Variants in CCL28 observed in about 807,000 individuals in gnomAD.
The protein encoded by CCL28 is C-C motif chemokine 28.
In CCL28, 4 loss-of-function variants were observed where a neutral mutation model predicts 7.1. The observed-to-expected ratio is 0.56, with a 90% CI of 0.28 to 1.29. The LOEUF (loss-of-function observed/expected upper bound fraction) is 1.29. Among genes scored for constraint, CCL28 ranks in the 50% most tolerant of loss-of-function variants. The probability of loss-of-function intolerance (pLI) is 0.11; values close to 1 mark genes in which losing one functional copy is unlikely to be tolerated. For synonymous variants in CCL28, 55 were observed against 57.8 expected, an observed-to-expected ratio of 0.95 and a Z score of 0.22; for missense variants, 151 against 163.4, an observed-to-expected ratio of 0.92 and a Z score of 0.41.
At chr5:43,366,623 T>C in the CCL28 span, among the ~76,000 whole-genome samples, 1 of 152,048 alleles carries the variant, frequency 6.6e-6, no homozygotes, top group Admixed American at 6.5e-5. Flanking sequence ...GGCATGGGGG[T>C]CAGGGACCCA....
At position 43,380,182 on chromosome 5, in the gene CCL28, T is replaced by C. The variant is rs1232898418; in HGVS notation, c.*1678A>G. 6.6e-6 allele frequency: 1 copy of C among 151,954 alleles called. No homozygotes were observed. Among genetic ancestry groups the C allele is most frequent in the Non-Finnish European group, 1.5e-5 (1 of 68,000 alleles). The allele number at this position is 151,954 out of a possible 1,614,324, so 9.4% of individuals were successfully genotyped here. A position where few individuals can be genotyped will look rare whatever the true frequency, so the allele number is the denominator to read the frequency against. On this transcript the variant is annotated 3_prime_UTR_variant, in exon 3 of 3. Transcript: ENST00000361115. The stretch of plus-strand genomic sequence containing the variant: ...GAAGGGTGGAATAGGAGCTAAAAGA[T>C]GTAGGCTCCTTGTTTAGGCAGAGCG...
the CCL28 span, among the ~76,000 whole-genome samples, chr5:43,360,000 G>A: frequency 1.3e-5 from 2 of 152,056 alleles, no homozygotes; most frequent in Non-Finnish European, 2.9e-5. Flanking sequence ...CAGGATTCAG[G>A]GTTCTCAGGG....
intron 1 of CCL28, among the ~76,000 whole-genome samples, chr5:43,401,072 G>A (rs1385022755): frequency 6.9e-6 from 1 of 145,426 alleles, no homozygotes; most frequent in Non-Finnish European, 1.5e-5. Context: ...AACAGAGCAA[G>A]ACTCCGTCTC....
the CCL28 span, among the ~76,000 whole-genome samples, chr5:43,370,554 C>T: frequency 6.6e-6 from 1 of 152,168 alleles, no homozygotes. Flanking sequence ...GTATTGTGTC[C>T]TAGATCACTC....
downstream of CCL28, among the ~76,000 whole-genome samples, chr5:43,374,251 G>A (rs914232673): frequency 3.9e-5 from 6 of 152,150 alleles, no homozygotes; most frequent in African/African-American, 1.2e-4. Flanking sequence ...TTTATATGGA[G>A]GTAGAATGGC....
At position 43,404,612 on chromosome 5, in the gene CCL28, A is replaced by G. The variant is rs965445389; in HGVS notation, c.64+7641T>C. ...GAAACTGCATCAACTAACGGGCAAAATAACCAGCTAGCATCATAATGACAG... is the reference window on the plus strand; with the variant it reads ...GAAACTGCATCAACTAACGGGCAAAGTAACCAGCTAGCATCATAATGACAG... On this transcript the variant is annotated intron_variant, in intron 1 of 2. Coordinates refer to ENST00000361115, the MANE Select transcript of CCL28 (RefSeq NM_148672.3). Among the ~76,000 whole-genome samples, 8 of 152,204 alleles carry G rather than the reference A, an allele frequency of 5.3e-5. 1 individual carries two copies. The highest frequency in any genetic ancestry group is 1.9e-4 in the African/African-American group (8 of 41,446).
chr5:43,380,845 G>A lies in CCL28; in HGVS notation c.*1015C>T, dbSNP rs1012142754. On this transcript the variant is annotated 3_prime_UTR_variant, in exon 3 of 3. Transcript: ENST00000361115. Reference sequence around the variant, plus strand: ...TTAAAAATTAAAAAAAAAAGACAGAGGAACTTTCTTAGATTGAAAGATATT... The same window carrying A: ...TTAAAAATTAAAAAAAAAAGACAGAAGAACTTTCTTAGATTGAAAGATATT... 6.6e-6 allele frequency: 1 copy of A among 151,478 alleles called. No homozygotes were observed. The highest frequency in any genetic ancestry group is 6.6e-5 in the Admixed American group (1 of 15,192). 9.4% of individuals were successfully genotyped at this position (151,478 alleles called of 1,614,324 possible). A position where few individuals can be genotyped will look rare whatever the true frequency, so the allele number is the denominator to read the frequency against.
Position 43,388,471 on chromosome 5 carries a change from G to C in CCL28, c.70C>G (p.Leu24Val), listed in dbSNP as rs751454835. 3.1e-6 allele frequency: 5 copies of C among 1,613,728 alleles called. No individual in the cohort carries two copies. The highest frequency in any genetic ancestry group is 4.2e-6 in the Non-Finnish European group (5 of 1,179,912). Reference protein sequence around the residue: ...CAALHASEAILPIASSCCTEV... With the variant: ...CAALHASEAIVPIASSCCTEV... ...GTGCAACAGCTGGAGGCAATGGGAA[G>C]TATGGCTAAAAGAAGAAAAGAAAGA... Residue 24 changes from leucine to valine, a missense_variant, in exon 2 of 3, where the codon CTT (leucine) becomes GTT (valine). Coordinates refer to ENST00000361115, the MANE Select transcript of CCL28 (RefSeq NM_148672.3).
At chr5:43,402,761 C>T (rs543220383) in intron 1 of CCL28, among the ~76,000 whole-genome samples, 1 of 152,330 alleles carries the variant, frequency 6.6e-6, no homozygotes, top group East Asian at 1.9e-4. Flanking sequence ...CCTTTCCTAG[C>T]CAAGGGAAGC....
At position 43,402,691 on chromosome 5, in the gene CCL28, G is replaced by A. The variant is rs138036847; in HGVS notation, c.64+9562C>T. 3.8e-3 allele frequency among the ~76,000 whole-genome samples: 573 copies of A among 152,308 alleles called. 5 individuals are homozygous for A. Among genetic ancestry groups the A allele is most frequent in the African/African-American group, 0.013 (534 of 41,572 alleles). ...AGACAGTGGGTGCAGTCCATGGAGC[G>A]TGAGCTGAAGCAGGGCAGGGCGTTG... On this transcript the variant is annotated intron_variant, in intron 1 of 2. Transcript: ENST00000361115.
At chr5:43,364,353 T>C in the CCL28 span, among the ~76,000 whole-genome samples, 4 of 152,166 alleles carry the variant, frequency 2.6e-5, no homozygotes, top group Admixed American at 1.3e-4. Context: ...GTATGTGTAT[T>C]GTGTAGAGTG....
chr5:43,389,712 C>T (rs1740493054), intron 1 of CCL28, among the ~76,000 whole-genome samples: 1 of 152,096 alleles, frequency 6.6e-6, no homozygotes, highest in African/African-American at 2.4e-5. Context: ...TTAATATAAA[C>T]GTAGGATGGG....
chr5:43,405,780 A>C (rs1047407603), intron 1 of CCL28, among the ~76,000 whole-genome samples: 1 of 152,184 alleles, frequency 6.6e-6, no homozygotes, highest in African/African-American at 2.4e-5. Flanking sequence ...AGAGACAAGA[A>C]TCAAATAGAC....
chr5:43,406,294 C>T (rs1239752631), intron 1 of CCL28, among the ~76,000 whole-genome samples: 1 of 152,062 alleles, frequency 6.6e-6, no homozygotes, highest in African/African-American at 2.4e-5. Flanking sequence ...AAAAGCTTAT[C>T]CACCATGATC....
intron 2 of CCL28, among the ~76,000 whole-genome samples, chr5:43,382,899 A>C (rs1397011771): frequency 6.6e-6 from 1 of 151,924 alleles, no homozygotes; most frequent in East Asian, 1.9e-4. Flanking sequence ...GCTCACTGCA[A>C]CTTCCGTCTC....
chr5:43,399,967 G>C (rs1477998659), intron 1 of CCL28, among the ~76,000 whole-genome samples: 1 of 151,326 alleles, frequency 6.6e-6, no homozygotes, highest in Non-Finnish European at 1.5e-5. Context: ...TGCCTTAGCT[G>C]CCCAAGTAGC....
intron 1 of CCL28, among the ~76,000 whole-genome samples, chr5:43,391,217 A>G (rs1740558088): frequency 6.6e-6 from 1 of 152,198 alleles, no homozygotes; most frequent in African/African-American, 2.4e-5. Context: ...AAAATGTGAA[A>G]AATGGATAGA....
chr5:43,412,328 C>G lies in CCL28; in HGVS notation c.-12G>C. 6.2e-7 allele frequency: 1 copy of G among 1,610,006 alleles called. No homozygotes were observed. The stretch of plus-strand genomic sequence containing the variant: ...CCTCTCTGCTGCATTCCTGCCTGCC[C>G]TACTGGCACTGACAGCAACACAAGT... On this transcript the variant is annotated 5_prime_UTR_variant, in exon 1 of 3. Coordinates refer to ENST00000361115, the MANE Select transcript of CCL28 (RefSeq NM_148672.3).
At chr5:43,390,134 T>C (rs2111770564) in intron 1 of CCL28, among the ~76,000 whole-genome samples, 1 of 152,352 alleles carries the variant, frequency 6.6e-6, no homozygotes, top group South Asian at 2.1e-4. Context: ...TTTGTTCAGA[T>C]GATACTGAAC....
Sources: allele counts gnomAD v4.1 joint callset (sites outside exome capture counted in the v4.1 genomes callset), GRCh38; gene constraint gnomAD v4.1.1; transcripts MANE v1.5; gene names NCBI Gene and HGNC (gene_info 2026-07-23, HGNC 2026-07-21).